MTMR14: variants seen among roughly 807,000 people sequenced by gnomAD.
MTMR14 encodes the protein myotubularin related protein 14, also known as phosphatidylinositol-3,5-bisphosphate 3-phosphatase MTMR14.
MTMR14 carries 48 observed loss-of-function variants against 86.3 expected under a neutral mutation model. The observed-to-expected ratio is 0.56, with a 90% confidence interval of 0.44 to 0.71. MTMR14 has a LOEUF of 0.71. Among genes scored for constraint, MTMR14 ranks in the 30% least tolerant of loss-of-function variants. MTMR14 has a pLI of 0.00. For missense variants in MTMR14, 780 were observed against 834.6 expected (o/e 0.93, Z 0.81); for synonymous variants, 366 against 326.1 (o/e 1.12, Z -1.32).
rs527824622 is a variant in MTMR14, at chr3:9,677,205, T to C, written c.752-112T>C. On this transcript the variant is annotated intron_variant, in intron 7 of 18. Transcript: ENST00000296003. This position sits in a 1 kb window ranked among gnomAD's most constrained non-coding sequence, Gnocchi z 4.2. ...CTGAAGCCACTAGCTTGGAGAAGTG[T>C]GAGTTGGCGGCCCCCTCTCCACAGC... 3.4e-6 allele frequency: 3 copies of C among 893,440 alleles called. No individual in the cohort carries two copies. In the East Asian group the frequency reaches 7.4e-5, roughly 22 times the overall value. The allele number at this position is 893,440 out of a possible 1,614,324, so 55.3% of individuals were successfully genotyped here.
intron 9 of MTMR14, 106 bp from the exon 10 acceptor site, chr3:9,683,072 C>A: frequency 1.0e-6 from 1 of 990,958 alleles, no homozygotes; most frequent in Non-Finnish European, 1.5e-6. Flanking sequence ...TAACCAAGGA[C>A]CTTGTGTAGT....
At chr3:9,675,958 C>A (rs1278600319) in intron 7 of MTMR14, among the ~76,000 whole-genome samples, 1 of 152,162 alleles carries the variant, frequency 6.6e-6, no homozygotes, top group Non-Finnish European at 1.5e-5. Context: ...AAGATTGTTT[C>A]CAGACTTCTC....
intron 15 of MTMR14, 90 bp downstream of exon 15, chr3:9,688,844 TG>T (rs2076047463): frequency 2.5e-6 from 4 of 1,599,764 alleles, no homozygotes; most frequent in East Asian, 2.2e-5. Flanking sequence ...AGAGGTTTTT[TG>T]TTTTTTTTTT....
At position 9,679,187 on chromosome 3, in the gene MTMR14, G is replaced by A. The variant is rs1015476907; in HGVS notation, c.897+1129G>A. Among the ~76,000 whole-genome samples, 17 of 152,230 alleles carry A rather than the reference G, an allele frequency of 1.1e-4. 1 individual carries two copies. The highest frequency in any genetic ancestry group is 4.1e-4 in the African/African-American group (17 of 41,450). On this transcript the variant is annotated intron_variant, in intron 9 of 18. Transcript: ENST00000296003. Reference sequence around the variant, plus strand: ...CACAGCAACTGTTTGAGTGTATGAAGTAGGGTGATGTCAGAGTTCCCCAAT... The same window carrying A: ...CACAGCAACTGTTTGAGTGTATGAAATAGGGTGATGTCAGAGTTCCCCAAT...
rs1024409431 is a variant in MTMR14 at position 9,677,213 on chromosome 3, C to T, written c.752-104C>T. The T allele has an allele frequency of 1.3e-5, 13 of 977,744 alleles. No homozygotes were observed. The highest frequency in any genetic ancestry group is 4.8e-5 in the African/African-American group (3 of 61,948). 60.6% of individuals were successfully genotyped at this position (977,744 alleles called of 1,614,324 possible). ...ACTAGCTTGGAGAAGTGTGAGTTGG[C>T]GGCCCCCTCTCCACAGCACTCAGGG... On this transcript the variant is annotated intron_variant, in intron 7 of 18. Coordinates refer to ENST00000296003, the MANE Select transcript of MTMR14 (RefSeq NM_001077525.3). The surrounding 1 kb of genome is among the most constrained non-coding windows in gnomAD (Gnocchi z 4.2).
intron 14 of MTMR14, 37 bp from the exon 15 acceptor site, chr3:9,688,659 T>C: frequency 6.2e-7 from 1 of 1,613,246 alleles, no homozygotes; most frequent in East Asian, 2.2e-5. Context: ...AGACCCCAGA[T>C]AGATCTGGAA....
intron 3 of MTMR14, among the ~76,000 whole-genome samples, chr3:9,662,853 G>A (rs12495036): frequency 1.3e-5 from 2 of 151,992 alleles, no homozygotes; most frequent in African/African-American, 4.8e-5. Context: ...AATCTTTATT[G>A]TCATGGAGCT....
At position 9,671,083 on chromosome 3, in the gene MTMR14, G is replaced by A. The variant is rs778623733; in HGVS notation, c.590G>A (p.Gly197Asp). ...GDTHLFDKVR[G>D]YDIKLLRYLS... ...ACGCATCTTTTTGATAAGGTCAGAG[G>A]CTATGACATCAAGCTGCTTCGATAC... Residue 197 changes from glycine (G) to aspartate (D), a missense_variant, in exon 6 of 19, where the codon GGC becomes GAC. Coordinates refer to ENST00000296003, the MANE Select transcript of MTMR14 (RefSeq NM_001077525.3). 7.4e-6 allele frequency: 12 copies of A among 1,614,026 alleles called. No individual in the cohort carries two copies. The highest frequency in any genetic ancestry group is 5.0e-5 in the Admixed American group (3 of 59,990).
chr3:9,658,521 G>A (rs952442437), intron 2 of MTMR14, among the ~76,000 whole-genome samples: 1 of 152,232 alleles, frequency 6.6e-6, no homozygotes, highest in African/African-American at 2.4e-5. Context: ...AGCAATAATT[G>A]TTAATAAAAG....
At chr3:9,672,810 G>T (rs932541559) in intron 7 of MTMR14, 52 bp downstream of exon 7, 5 of 1,549,518 alleles carry the variant, frequency 3.2e-6, no homozygotes, top group East Asian at 2.2e-5. Context: ...GACCTTGGGG[G>T]CCATGAGCAA....
Position 9,701,908 on chromosome 3 carries a change from G to C in MTMR14, c.1888G>C (p.Gly630Arg). ...AGCCCCCAGTCCTTCCGGTGCCATC[G>C]GGGGCCTGCTGGAGCAATTTGCCCG... is the stretch of plus-strand genomic sequence containing the variant. The part of the protein sequence containing the change: ...AVAPSPSGAI[G>R]GLLEQFARGV... Residue 630 changes from glycine (G) to arginine (R), a missense_variant, in exon 19 of 19, where the codon GGG becomes CGG. Physicochemically the swap from Gly to Arg is moderately radical, Grantham distance 125 (BLOSUM62 -2). Coordinates refer to ENST00000296003, the MANE Select transcript of MTMR14 (RefSeq NM_001077525.3). This position sits in a 1 kb window ranked among gnomAD's most constrained non-coding sequence, Gnocchi z 4.2. The C allele has an allele frequency of 6.2e-7, 1 of 1,614,186 alleles. No homozygotes were observed. Among genetic ancestry groups the C allele is most frequent in the Non-Finnish European group, 8.5e-7 (1 of 1,180,044 alleles).
At chr3:9,666,133 G>GTTTT (rs1241278468) in intron 3 of MTMR14, among the ~76,000 whole-genome samples, 14 of 117,262 alleles carry the variant, frequency 1.2e-4, no homozygotes, top group South Asian at 2.7e-4. Context: ...AAGTTTGTTG[G>GTTTT]TTTTTTTTTT....
intron 2 of MTMR14, 22 bp downstream of exon 2, chr3:9,653,791 T>A: frequency 6.2e-7 from 1 of 1,614,058 alleles, no homozygotes; most frequent in Non-Finnish European, 8.5e-7. Context: ...GTGACCGTAG[T>A]GTACATGTCT....
At chr3:9,680,516 G>A (rs1234716042) in intron 9 of MTMR14, among the ~76,000 whole-genome samples, 1 of 152,230 alleles carries the variant, frequency 6.6e-6, no homozygotes, top group Non-Finnish European at 1.5e-5. Context: ...GCTCCATGCA[G>A]TCTGGTCTTG....
chr3:9,675,610 A>G (rs1033789112), intron 7 of MTMR14: 10 of 457,286 alleles, frequency 2.2e-5, no homozygotes, highest in Admixed American at 2.1e-4. Context: ...AGTGAATGGC[A>G]CTTCTCATCC....
chr3:9,680,114 C>T (rs2075711619), intron 9 of MTMR14, among the ~76,000 whole-genome samples: 1 of 152,222 alleles, frequency 6.6e-6, no homozygotes, highest in Non-Finnish European at 1.5e-5. Flanking sequence ...TCACACATGT[C>T]CCTTCAGGCG....
In MTMR14 at chr3:9,701,394, A is replaced by G. The variant is rs146610720; in HGVS notation, c.1770-396A>G. The stretch of plus-strand genomic sequence containing the variant: ...AGCCTGGGCAACATGGTAAAACCCT[A>G]TCATGGTGGCATGTGCCTGTAGTCC... On this transcript the variant is annotated intron_variant, in intron 18 of 18. Coordinates refer to ENST00000296003, the MANE Select transcript of MTMR14 (RefSeq NM_001077525.3). The surrounding 1 kb of genome is among the most constrained non-coding windows in gnomAD (Gnocchi z 4.2). 1.1e-3 allele frequency: 335 copies of G among 309,046 alleles called. 2 individuals carry two copies. The highest frequency in any genetic ancestry group is 1.4e-3 in the Admixed American group (31 of 21,502). 19.1% of individuals were successfully genotyped at this position (309,046 alleles called of 1,614,324 possible). A position where few individuals can be genotyped will look rare whatever the true frequency, so the allele number is the denominator to read the frequency against.
rs558820057 is a variant in MTMR14 at position 9,670,887 on chromosome 3, C to T, written c.555-161C>T. 4.6e-5 allele frequency among the ~76,000 whole-genome samples: 7 copies of T among 152,304 alleles called. No individual in the cohort carries two copies. In the South Asian group the frequency reaches 6.2e-4, roughly 14 times the overall value. ...TAGAAAGTCACCTTCCCTGCAACCT[C>T]GCTGAAATCAGTTGTCCTGTTTGGC... On this transcript the variant is annotated intron_variant, in intron 5 of 18. Transcript: ENST00000296003.
At chr3:9,657,079 A>AT (rs1035677853) in intron 2 of MTMR14, among the ~76,000 whole-genome samples, 1 of 151,880 alleles carries the variant, frequency 6.6e-6, no homozygotes, top group East Asian at 1.9e-4. Context: ...CTCCCAGCTG[A>AT]TTTTTTTTAA....
Sources: gnomAD v4.1 joint callset for allele counts (sites outside exome capture counted in the v4.1 genomes callset) on GRCh38, gnomAD v4.1.1 for gene constraint, Gnocchi (gnomAD v3.1) non-coding constraint, MANE v1.5 for transcripts, NCBI Gene and HGNC (gene_info 2026-07-23, HGNC 2026-07-21) for gene names.